FRMPD4: variants seen among roughly 807,000 people sequenced by gnomAD.
FRMPD4 encodes the protein FERM and PDZ domain containing 4, also known as FERM and PDZ domain-containing protein 4.
Under a neutral mutation model 94.1 loss-of-function variants are expected in FRMPD4, and 22 were observed. That is an observed-to-expected ratio of 0.23 (90% CI 0.17 to 0.33). The LOEUF (loss-of-function observed/expected upper bound fraction) is 0.33, where lower values mean the gene tolerates loss of function less well. Among genes scored for constraint, FRMPD4 ranks in the 10% least tolerant of loss-of-function variants. The pLI is 1.00. For synonymous variants in FRMPD4, 631 were observed against 548.6 expected (o/e 1.15, Z -2.10); for missense variants, 1,111 against 1,339.9 (o/e 0.83, Z 2.67).
chrX:12,184,242 G>A (rs755478715), intron 1 of FRMPD4, among the ~76,000 whole-genome samples: 3 of 110,706 alleles, frequency 2.7e-5, no homozygotes, highest in Admixed American at 9.7e-5. Flanking sequence ...AATCCTGAAC[G>A]CCAAACAAAT....
chrX:12,697,143 T>G (rs1467165609), intron 9 of FRMPD4, among the ~76,000 whole-genome samples: 2 of 112,446 alleles, frequency 1.8e-5, no homozygotes, highest in East Asian at 5.5e-4. Flanking sequence ...TAGTGTGCTT[T>G]AAAATATTTT....
At chrX:12,462,535 T>C (rs2057401168) in intron 1 of FRMPD4, among the ~76,000 whole-genome samples, 1 of 112,149 alleles carries the variant, frequency 8.9e-6, no homozygotes. Context: ...GATCCTTTAA[T>C]GCCCTTAGAG....
At chrX:11,963,764 C>G (rs1373844754) in intron 3 of FRMPD4, among the ~76,000 whole-genome samples, 1 of 111,405 alleles carries the variant, frequency 9.0e-6, no homozygotes, top group African/African-American at 3.3e-5. Context: ...AATTGGCAAG[C>G]CTAAGGCAAA....
intron 1 of FRMPD4, among the ~76,000 whole-genome samples, chrX:12,409,397 G>A (rs1228990523): frequency 3.6e-5 from 4 of 111,705 alleles, no homozygotes; most frequent in African/African-American, 3.3e-5. Flanking sequence ...TTCTCCAGCT[G>A]CTAATCTATT....
intron 3 of FRMPD4, among the ~76,000 whole-genome samples, chrX:12,098,597 T>C (rs991428977): frequency 2.9e-4 from 32 of 112,029 alleles, no homozygotes; most frequent in Non-Finnish European, 5.5e-4. Flanking sequence ...GATCAGATGG[T>C]TTATGTTTGC....
intron 2 of FRMPD4, among the ~76,000 whole-genome samples, chrX:12,523,577 A>G (rs1366043098): frequency 1.8e-5 from 2 of 112,050 alleles, no homozygotes. Flanking sequence ...GATCTTCTGT[A>G]TCACTTTCCA....
chrX:12,519,995 C>CA (rs1242872582), intron 2 of FRMPD4, among the ~76,000 whole-genome samples: 1 of 111,772 alleles, frequency 8.9e-6, no homozygotes, highest in African/African-American at 3.3e-5. Context: ...GGCAAGTCCT[C>CA]AAAAAATTAA....
At chrX:12,716,001 T>TGGGGCCCCCCCCCCC in intron 14 of FRMPD4, 68 bp from the exon 15 acceptor site, 1 of 231,655 alleles carries the variant, frequency 4.3e-6, no homozygotes, top group Non-Finnish European at 8.2e-6. Context: ...GAGACGAGCC[T>TGGGGCCCCCCCCCCC]CCCACCCCCG....
At chrX:12,114,599 G>A (rs762518876) in intron 3 of FRMPD4, among the ~76,000 whole-genome samples, 1 of 111,650 alleles carries the variant, frequency 9.0e-6, no homozygotes, top group South Asian at 3.7e-4. Context: ...TTGACTTTTT[G>A]CTCATAAGAA....
chrX:12,190,134 A>ACT (rs1361215485), intron 1 of FRMPD4, among the ~76,000 whole-genome samples: 3 of 111,561 alleles, frequency 2.7e-5, no homozygotes, highest in Non-Finnish European at 5.7e-5. Flanking sequence ...AGAAATAAAC[A>ACT]CTTATATATA....
At chrX:12,491,694 C>T (rs940324256) in intron 1 of FRMPD4, among the ~76,000 whole-genome samples, 2 of 112,455 alleles carry the variant, frequency 1.8e-5, no homozygotes, top group Admixed American at 1.9e-4. Context: ...CATCCTGTGC[C>T]AGTATCATCA....
intron 4 of FRMPD4, among the ~76,000 whole-genome samples, chrX:12,653,033 G>A (rs755526479): frequency 8.9e-6 from 1 of 111,775 alleles, no homozygotes; most frequent in Non-Finnish European, 1.9e-5. Context: ...TGGTTAAAAT[G>A]TAAGTTCTGC....
chrX:12,053,430 GAGA>G lies in FRMPD4; in HGVS notation c.95+175414_95+175416del, dbSNP rs1569149871. On this transcript the variant is annotated intron_variant, in intron 3 of 18. Transcript: ENST00000640291. ...AGAAAGAAAGAAAGAAAGAAAGAAA[GAGA>G]AAGAAAGAAGAGAAGAGAAGAGAGG... Among the ~76,000 whole-genome samples, 413 of 83,497 alleles carry G rather than the reference GAGA, an allele frequency of 4.9e-3. 5 individuals carry two copies. Among genetic ancestry groups the G allele is most frequent in the East Asian group, 0.029 (66 of 2,309 alleles). 72.5% of individuals were successfully genotyped at this position (83,497 alleles called of 115,157 possible).
chrX:11,873,253 GA>G (rs377349587), intron 2 of FRMPD4, among the ~76,000 whole-genome samples: 35 of 103,162 alleles, frequency 3.4e-4, no homozygotes, highest in African/African-American at 5.9e-4. Context: ...GGAGTAGCAA[GA>G]AAAAAAAAAC....
intron 1 of FRMPD4, among the ~76,000 whole-genome samples, chrX:12,286,920 G>A (rs2054610355): frequency 8.9e-6 from 1 of 111,913 alleles, no homozygotes; most frequent in Admixed American, 9.5e-5. Context: ...GGAACCTTGA[G>A]CCTGCACAGC....
chrX:12,665,451 A>G (rs1467934691), intron 4 of FRMPD4, among the ~76,000 whole-genome samples: 1 of 111,421 alleles, frequency 9.0e-6, no homozygotes, highest in Non-Finnish European at 1.9e-5. Flanking sequence ...CTCAAAAAAA[A>G]AAAAAATGTG....
At chrX:12,540,419 A>G (rs2058394675) in intron 2 of FRMPD4, among the ~76,000 whole-genome samples, 1 of 111,847 alleles carries the variant, frequency 8.9e-6, no homozygotes. Flanking sequence ...TGGAACACAA[A>G]AAAAGGCAGG....
rs1368084316 is a variant in FRMPD4 at position 12,368,254 on chromosome X, A to G, written c.42-130426A>G. 5.6e-4 allele frequency among the ~76,000 whole-genome samples: 63 copies of G among 112,079 alleles called. 3 individuals are homozygous for G. On this transcript the variant is annotated intron_variant, in intron 1 of 16. Coordinates refer to ENST00000675598, the MANE Select transcript of FRMPD4 (RefSeq NM_001368397.1). ...CTAAAGGAGATGAAATATATAAACC[A>G]GTGACACTGCAGCCCAAAGCTTTGG...
chrX:12,428,058 C>T (rs1483747469), intron 1 of FRMPD4, among the ~76,000 whole-genome samples: 2 of 108,714 alleles, frequency 1.8e-5, no homozygotes, highest in African/African-American at 3.3e-5. Context: ...TACAGGCGCC[C>T]GCCACCATGC....
Sources: allele counts gnomAD v4.1 joint callset (sites outside exome capture counted in the v4.1 genomes callset), GRCh38; gene constraint gnomAD v4.1.1; transcripts MANE v1.5; gene names NCBI Gene and HGNC (gene_info 2026-07-23, HGNC 2026-07-21).